Variants in ZNF804B observed in about 807,000 individuals in gnomAD.
The protein encoded by ZNF804B is zinc finger protein 804B.
In ZNF804B, 80 loss-of-function variants were observed where a neutral mutation model predicts 101.4. The ratio of observed to expected loss-of-function variants is 0.79; its 90% CI spans 0.66 to 0.95. The LOEUF (loss-of-function observed/expected upper bound fraction) is 0.95, where lower values mean the gene tolerates loss of function less well. ZNF804B is among the 40% of genes least tolerant of loss of function. The pLI is 0.00. For missense variants in ZNF804B, 1,673 were observed against 1,561.9 expected, an observed-to-expected ratio of 1.07 and a Z score of -1.20; for synonymous variants, 622 against 558.8, an observed-to-expected ratio of 1.11 and a Z score of -1.59.
chr7:88,966,043 T>G (rs1157367068), intron 1 of ZNF804B, among the ~76,000 whole-genome samples: 3 of 151,468 alleles, frequency 2.0e-5, no homozygotes, highest in African/African-American at 7.3e-5. Context: ...CTATTATATA[T>G]CTAATTCATA....
intron 1 of ZNF804B, among the ~76,000 whole-genome samples, chr7:88,820,651 G>T (rs1790963047): frequency 6.6e-6 from 1 of 152,160 alleles, no homozygotes; most frequent in Non-Finnish European, 1.5e-5. Flanking sequence ...GTATGTGGCT[G>T]CCTGTGGGAA....
chr7:88,913,913 T>G (rs1792590910), intron 1 of ZNF804B, among the ~76,000 whole-genome samples: 1 of 152,220 alleles, frequency 6.6e-6, no homozygotes, highest in Admixed American at 6.5e-5. Context: ...TTATAAGTAT[T>G]GCTAAAGTGG....
intron 1 of ZNF804B, among the ~76,000 whole-genome samples, chr7:89,103,855 T>G (rs1790096249): frequency 6.6e-6 from 1 of 151,996 alleles, no homozygotes; most frequent in African/African-American, 2.4e-5. Flanking sequence ...AGTATGACAT[T>G]GGTTATGGGT....
At chr7:89,035,234 A>C (rs1267183316) in intron 1 of ZNF804B, among the ~76,000 whole-genome samples, 1 of 152,140 alleles carries the variant, frequency 6.6e-6, no homozygotes, top group Non-Finnish European at 1.5e-5. Context: ...TACTGTTATA[A>C]TTATTGATTC....
At chr7:89,031,637 A>G (rs1318939132) in intron 1 of ZNF804B, among the ~76,000 whole-genome samples, 2 of 149,370 alleles carry the variant, frequency 1.3e-5, no homozygotes, top group Non-Finnish European at 3.0e-5. Context: ...AAAGGCAAAT[A>G]TTTTCTTTAG....
intron 2 of ZNF804B, among the ~76,000 whole-genome samples, chr7:89,250,853 A>G (rs937297901): frequency 2.6e-5 from 4 of 152,220 alleles, no homozygotes; most frequent in Non-Finnish European, 5.9e-5. Flanking sequence ...TGATCATCTC[A>G]ATAGACGTGA....
At chr7:88,828,301 A>G (rs745565172) in intron 1 of ZNF804B, among the ~76,000 whole-genome samples, 6 of 152,100 alleles carry the variant, frequency 3.9e-5, no homozygotes, top group Non-Finnish European at 5.9e-5. Flanking sequence ...TTTCTATCAC[A>G]CCAGAAATGT....
intron 1 of ZNF804B, among the ~76,000 whole-genome samples, chr7:89,199,751 C>T (rs1168638552): frequency 6.6e-6 from 1 of 151,686 alleles, no homozygotes; most frequent in South Asian, 2.1e-4. Flanking sequence ...CTACTGGCAT[C>T]TTTCTATTTT....
chr7:89,305,911 A>T (rs1021541314), intron 2 of ZNF804B, among the ~76,000 whole-genome samples: 2 of 152,006 alleles, frequency 1.3e-5, no homozygotes, highest in African/African-American at 2.4e-5. Context: ...CTTTGTAAAG[A>T]TACTAAAGGT....
rs73393486 is a variant in ZNF804B at position 88,862,638 on chromosome 7, A to G, written c.108+102554A>G. ...TTTATGAAATACGTGATCACTATGT[A>G]ATTTTTGCATGGTATTGACTAAGAC... On this transcript the variant is annotated intron_variant, in intron 1 of 3. Transcript: ENST00000333190. Among the ~76,000 whole-genome samples, 374 of 152,254 alleles carry G rather than the reference A, an allele frequency of 2.5e-3. 2 individuals are homozygous for G. The highest frequency in any genetic ancestry group is 8.9e-3 in the African/African-American group (370 of 41,548).
chr7:88,930,689 G>T (rs1306311748), intron 1 of ZNF804B, among the ~76,000 whole-genome samples: 5 of 151,858 alleles, frequency 3.3e-5, no homozygotes, highest in Admixed American at 6.6e-5. Context: ...TAATGGCCTA[G>T]AATGCTGACG....
At chr7:89,292,210 A>G (rs1206846271) in intron 2 of ZNF804B, among the ~76,000 whole-genome samples, 4 of 152,184 alleles carry the variant, frequency 2.6e-5, no homozygotes, top group Admixed American at 2.0e-4. Context: ...ATGTGAAGGT[A>G]TAAAACTCAC....
At chr7:89,159,301 T>C (rs896111707) in intron 1 of ZNF804B, among the ~76,000 whole-genome samples, 1 of 152,144 alleles carries the variant, frequency 6.6e-6, no homozygotes, top group Non-Finnish European at 1.5e-5. Flanking sequence ...GACGAGGGTA[T>C]TTGGAGATCC....
intron 1 of ZNF804B, among the ~76,000 whole-genome samples, chr7:89,148,296 C>T (rs905713912): frequency 6.6e-6 from 1 of 151,926 alleles, no homozygotes; most frequent in Admixed American, 6.6e-5. Flanking sequence ...AAATTATTAG[C>T]TATTATTAGT....
chr7:89,246,609 T>C (rs1789451318), intron 2 of ZNF804B, among the ~76,000 whole-genome samples: 1 of 152,000 alleles, frequency 6.6e-6, no homozygotes, highest in African/African-American at 2.4e-5. Flanking sequence ...TTTGAGCACC[T>C]GCTCACTTGG....
chr7:88,893,368 T>C (rs1562824780), intron 1 of ZNF804B, among the ~76,000 whole-genome samples: 2 of 152,078 alleles, frequency 1.3e-5, no homozygotes, highest in Admixed American at 1.3e-4. Flanking sequence ...GATTTAAAAT[T>C]TTATTATTGA....
chr7:89,103,343 T>C (rs1790089659), intron 1 of ZNF804B, among the ~76,000 whole-genome samples: 1 of 151,660 alleles, frequency 6.6e-6, no homozygotes, highest in African/African-American at 2.4e-5. Context: ...TGATATTGAT[T>C]CTTCCAATCA....
intron 1 of ZNF804B, among the ~76,000 whole-genome samples, chr7:88,826,837 A>T (rs1003658917): frequency 7.2e-5 from 11 of 152,150 alleles, no homozygotes; most frequent in Non-Finnish European, 1.3e-4. Flanking sequence ...ACAATGCTAA[A>T]ATAAGGAAAT....
intron 1 of ZNF804B, among the ~76,000 whole-genome samples, chr7:88,772,116 A>G (rs935688419): frequency 1.5e-4 from 23 of 152,164 alleles, no homozygotes; most frequent in African/African-American, 4.6e-4. Flanking sequence ...TAAAGAATTG[A>G]TCATGTATTT....
Sources: gnomAD v4.1 joint callset for allele counts (sites outside exome capture counted in the v4.1 genomes callset) on GRCh38, gnomAD v4.1.1 for gene constraint, MANE v1.5 for transcripts, NCBI Gene and HGNC (gene_info 2026-07-23, HGNC 2026-07-21) for gene names.